KHSRP: variants seen among roughly 807,000 people sequenced by gnomAD.
The protein encoded by KHSRP is far upstream element-binding protein 2.
KHSRP carries 13 observed loss-of-function variants against 94.9 expected under a neutral mutation model. That is an observed-to-expected ratio of 0.14 (90% CI 0.09 to 0.22). The LOEUF (loss-of-function observed/expected upper bound fraction) is 0.22, where lower values mean the gene tolerates loss of function less well. Among genes scored for constraint, KHSRP ranks in the 10% least tolerant of loss-of-function variants. The pLI is 1.00. For synonymous variants in KHSRP, 495 were observed against 401.4 expected, an observed-to-expected ratio of 1.23 and a Z score of -2.79; for missense variants, 710 against 1,010.0, an observed-to-expected ratio of 0.70 and a Z score of 4.03.
chr19:6,421,043 C>T, intron 4 of KHSRP: 1 of 565,848 alleles, frequency 1.8e-6, no homozygotes, highest in Non-Finnish European at 3.2e-6. Context: ...GTGCGGAGAC[C>T]ACCCTATCAC....
rs1027838035 is a variant in KHSRP at position 6,421,153 on chromosome 19, G to A, written c.425+125C>T. On this transcript the variant is annotated intron_variant, in intron 4 of 18. Coordinates refer to ENST00000600480, the MANE Select transcript of KHSRP (RefSeq NM_001366299.1). ...GCCTCATTCCCGTCTGAGCACTCTG[G>A]TCAACTGGCACTGGGGGATAAAACC... 13 of 857,488 alleles carry A rather than the reference G, an allele frequency of 1.5e-5. No homozygotes were observed. In the Admixed American group the frequency reaches 3.1e-4, roughly 20 times the overall value. 53.1% of individuals were successfully genotyped at this position (857,488 alleles called of 1,614,324 possible).
At chr19:6,416,245 T>C in intron 15 of KHSRP, 53 bp downstream of exon 15, 2 of 1,419,682 alleles carry the variant, frequency 1.4e-6, no homozygotes, top group Admixed American at 2.3e-5. Context: ...CTATTCTTCT[T>C]GCCAGCTCAG....
rs1398405486 is a variant in KHSRP, at chr19:6,413,934, G to C, written c.*1090C>G. The C allele has an allele frequency of 4.1e-6, 3 of 736,422 alleles. No individual in the cohort carries two copies. Among genetic ancestry groups the C allele is most frequent in the Non-Finnish European group, 6.3e-6 (3 of 479,990 alleles). 45.6% of individuals were successfully genotyped at this position (736,422 alleles called of 1,614,324 possible). On this transcript the variant is annotated 3_prime_UTR_variant, in exon 19 of 19. Coordinates refer to ENST00000600480, the MANE Select transcript of KHSRP (RefSeq NM_001366299.1). ...AAAGCATGTGAGACACAGAACAGGC[G>C]AGAGAGTGAGGGCCCGGCATGCCCC...
chr19:6,422,516 C>T, intron 1 of KHSRP, 80 bp from the exon 2 acceptor site: 2 of 1,016,964 alleles, frequency 2.0e-6, no homozygotes, highest in South Asian at 1.3e-5. Context: ...CTCAGAACAT[C>T]TCCTGGACAC....
rs549829161 is a variant in KHSRP at position 6,414,184 on chromosome 19, C to A, written c.*840G>T. Reference sequence around the variant, plus strand: ...GAGGGAAGGGTGGGAGACTAGGGGGCGGAAGAGAGGAGGGGCTGGAACACC... The same window carrying A: ...GAGGGAAGGGTGGGAGACTAGGGGGAGGAAGAGAGGAGGGGCTGGAACACC... On this transcript the variant is annotated 3_prime_UTR_variant, in exon 19 of 19. Coordinates refer to ENST00000600480, the MANE Select transcript of KHSRP (RefSeq NM_001366299.1). The A allele has an allele frequency of 2.6e-6, 4 of 1,534,152 alleles. No individual in the cohort carries two copies. In the African/African-American group the frequency reaches 4.2e-5, roughly 16 times the overall value.
intron 4 of KHSRP, chr19:6,421,072 G>A (rs962376610): frequency 1.7e-6 from 1 of 592,272 alleles, no homozygotes. Context: ...CTGCCACGAC[G>A]CTCCCCTCCC....
chr19:6,419,042 G>C (rs1434701420), intron 7 of KHSRP, among the ~76,000 whole-genome samples, 161 bp downstream of exon 7: 1 of 152,260 alleles, frequency 6.6e-6, no homozygotes, highest in East Asian at 1.9e-4. Context: ...CCCAGGTCTT[G>C]GGCTGCCGGG....
chr19:6,416,270 CA>C, intron 15 of KHSRP, 27 bp downstream of exon 15: 2 of 1,562,622 alleles, frequency 1.3e-6, no homozygotes, highest in Admixed American at 2.0e-5. Flanking sequence ...CCCCCGGCCT[CA>C]AAACCCAGGA....
At chr19:6,415,935 G>A (rs755476098) in intron 15 of KHSRP, 39 bp from the exon 16 acceptor site, 21 of 1,311,524 alleles carry the variant, frequency 1.6e-5, no homozygotes, top group East Asian at 1.0e-4. Flanking sequence ...GCAGTGGTGC[G>A]GGGGTGGCCG....
chr19:6,414,351 A>G lies in KHSRP; in HGVS notation c.*673T>C, dbSNP rs2092125175. On this transcript the variant is annotated 3_prime_UTR_variant, in exon 19 of 19. Transcript: ENST00000600480. The stretch of plus-strand genomic sequence containing the variant: ...ATGGAGAAGGAGGGACAGAGCAGGA[A>G]GAGAGGAGAGGGGCCGCGGAGGGCG... 7.2e-7 allele frequency: 1 copy of G among 1,379,994 alleles called. No individual in the cohort carries two copies. Among genetic ancestry groups the G allele is most frequent in the South Asian group, 1.9e-5 (1 of 52,764 alleles). 85.5% of individuals were successfully genotyped at this position (1,379,994 alleles called of 1,614,324 possible).
rs1345458657 is a variant in KHSRP at position 6,416,539 on chromosome 19, G to A, written c.1439C>T (p.Ser480Leu). The change falls in exon 14 of 19, where the codon TCA (serine) becomes TTA (leucine). Residue 480 changes from serine (S) to leucine (L), a missense_variant. This residue lies in a region of KHSRP where 37 missense variants were observed against 61.1 expected (regional missense o/e 0.61). Coordinates refer to ENST00000600480, the MANE Select transcript of KHSRP (RefSeq NM_001366299.1). ...CTTGGCGTGGTCAATCTGCTGGGGT[G>A]AACCCCGGATGATGAACAACTTGAA... is the stretch of plus-strand genomic sequence containing the variant. Reference protein sequence around the residue: ...PNFKLFIIRGSPQQIDHAKQL... With the variant: ...PNFKLFIIRGLPQQIDHAKQL... 1 of 1,613,708 alleles carries A rather than the reference G, an allele frequency of 6.2e-7. No homozygotes were observed. The highest frequency in any genetic ancestry group is 1.3e-5 in the African/African-American group (1 of 74,940).
chr19:6,414,359 G>A lies in KHSRP; in HGVS notation c.*665C>T. On this transcript the variant is annotated 3_prime_UTR_variant, in exon 19 of 19. Coordinates refer to ENST00000600480, the MANE Select transcript of KHSRP (RefSeq NM_001366299.1). ...GGAGGGACAGAGCAGGAAGAGAGGA[G>A]AGGGGCCGCGGAGGGCGGAGGCGCT... 1 of 1,367,766 alleles carries A rather than the reference G, an allele frequency of 7.3e-7. No homozygotes were observed. Among genetic ancestry groups the A allele is most frequent in the Non-Finnish European group, 9.5e-7 (1 of 1,057,002 alleles). 84.7% of individuals were successfully genotyped at this position (1,367,766 alleles called of 1,614,324 possible).
intron 6 of KHSRP, 55 bp downstream of exon 6, chr19:6,420,018 G>C: frequency 1.5e-6 from 2 of 1,356,944 alleles, no homozygotes; most frequent in Admixed American, 1.8e-5. Flanking sequence ...TTAAAGGAAA[G>C]TGCAAAGGGC....
chr19:6,419,087 T>TGGGGGCAAGAATGGAGGACATG (rs2092177496), intron 7 of KHSRP, 116 bp downstream of exon 7: 2 of 1,182,436 alleles, frequency 1.7e-6, no homozygotes, highest in South Asian at 2.7e-5. Flanking sequence ...TGTCTGGAGA[T>TGGGGGCAAGAATGGAGGACATG]GGGGGCAAGA....
rs1165819117 is a variant in KHSRP at position 6,414,591 on chromosome 19, GGCCTGGGCCGCTCCCC to G, written c.*417_*432del. The G allele has an allele frequency of 2.0e-6, 2 of 1,018,374 alleles. No homozygotes were observed. The highest frequency in any genetic ancestry group is 3.4e-5 in the African/African-American group (2 of 58,068). The allele number at this position is 1,018,374 out of a possible 1,614,324, so 63.1% of individuals were successfully genotyped here. On this transcript the variant is annotated 3_prime_UTR_variant, in exon 19 of 19. Transcript: ENST00000600480. ...GGGAGGCTGAGCCCGGCGGGGCAGG[GGCCTGGGCCGCTCCCC>G]GCGTCCCCACCAGTCCCTGCCAGAG...
intron 2 of KHSRP, 149 bp from the exon 3 acceptor site, chr19:6,421,837 C>G (rs2145123927): frequency 1.1e-6 from 1 of 877,244 alleles, no homozygotes; most frequent in East Asian, 2.6e-5. Flanking sequence ...GAGACTGGCC[C>G]CTGAGGGAGG....
Position 6,414,403 on chromosome 19 carries a change from C to T in KHSRP, c.*621G>A, listed in dbSNP as rs952347632. ...AGGCGCTAGGGTCGTAGGGGAGCTG[C>T]CCTGTCTCCGGAGGGCGGTGGCTCC... is the stretch of plus-strand genomic sequence containing the variant. On this transcript the variant is annotated 3_prime_UTR_variant, in exon 19 of 19. Coordinates refer to ENST00000600480, the MANE Select transcript of KHSRP (RefSeq NM_001366299.1). 11 of 1,290,348 alleles carry T rather than the reference C, an allele frequency of 8.5e-6. No homozygotes were observed. The African/African-American group carries it at 1.2e-4, about 14-fold the overall frequency. 79.9% of individuals were successfully genotyped at this position (1,290,348 alleles called of 1,614,324 possible).
At position 6,414,901 on chromosome 19, in the gene KHSRP, C is replaced by T; in HGVS notation, c.*123G>A. ...GCTCCCCAGCATCACGACAGCGGCA[C>T]ACAGGAACAAGCAGCCGGCGCAGGG... On this transcript the variant is annotated 3_prime_UTR_variant, in exon 19 of 19. Transcript: ENST00000600480. 6.5e-6 allele frequency: 9 copies of T among 1,386,154 alleles called. No homozygotes were observed. Among genetic ancestry groups the T allele is most frequent in the Non-Finnish European group, 8.4e-6 (9 of 1,074,958 alleles). 85.9% of individuals were successfully genotyped at this position (1,386,154 alleles called of 1,614,324 possible).
In KHSRP at chr19:6,418,726, G is replaced by T; in HGVS notation, c.756C>A (p.Gly252=). ...AGKAGLVIGK[G]GETIKQLQER... The stretch of plus-strand genomic sequence containing the variant: ...CCTGCAGCTGCTTAATGGTCTCCCC[G>T]CCCTTGCCAATGACCAGGCCGGCCT... Residue 252 remains glycine (G), a synonymous_variant, in exon 8 of 19, where the codon GGC becomes GGA. Coordinates refer to ENST00000600480, the MANE Select transcript of KHSRP (RefSeq NM_001366299.1). This position sits in a 1 kb window ranked among gnomAD's most constrained non-coding sequence, Gnocchi z 4.3. 1 of 1,613,682 alleles carries T rather than the reference G, an allele frequency of 6.2e-7. No homozygotes were observed.
Sources: gnomAD v4.1 joint callset for allele counts (sites outside exome capture counted in the v4.1 genomes callset) on GRCh38, gnomAD v4.1.1 for gene constraint, gnomAD v4.1.1 regional missense constraint, Gnocchi (gnomAD v3.1) non-coding constraint, MANE v1.5 for transcripts, NCBI Gene and HGNC (gene_info 2026-07-23, HGNC 2026-07-21) for gene names.